PDE4D: variants seen among roughly 807,000 people sequenced by gnomAD.
PDE4D encodes 3',5'-cyclic-AMP phosphodiesterase 4D.
PDE4D carries 24 observed loss-of-function variants against 87.4 expected under a neutral mutation model. The observed-to-expected ratio is 0.27, with a 90% CI of 0.20 to 0.39. The LOEUF (loss-of-function observed/expected upper bound fraction) is 0.39, where lower values mean the gene tolerates loss of function less well. Ranked by LOEUF, PDE4D falls within the 10% of genes least tolerant of loss-of-function variation. The pLI, the probability that PDE4D is intolerant of heterozygous loss-of-function variation, is 1.00. For synonymous variants in PDE4D, 384 were observed against 383.2 expected, an observed-to-expected ratio of 1.00 and a Z score of -0.02; for missense variants, 714 against 1,041.0, an observed-to-expected ratio of 0.69 and a Z score of 4.32.
chr5:60,340,502 C>T (rs1251674562), intron 1 of PDE4D, among the ~76,000 whole-genome samples: 1 of 151,654 alleles, frequency 6.6e-6, no homozygotes, highest in Non-Finnish European at 1.5e-5. Flanking sequence ...AATCCTCCCA[C>T]ATCTCCAAGA....
At chr5:60,090,034 T>C (rs570540537) in intron 2 of PDE4D, among the ~76,000 whole-genome samples, 1 of 152,150 alleles carries the variant, frequency 6.6e-6, no homozygotes, top group East Asian at 1.9e-4. Flanking sequence ...TAAAGCCTCC[T>C]ATTAAAGGAA....
At chr5:59,690,540 C>T (rs1406788678) in intron 1 of PDE4D, among the ~76,000 whole-genome samples, 4 of 152,316 alleles carry the variant, frequency 2.6e-5, no homozygotes, top group Admixed American at 2.6e-4. Context: ...AACTGGATCT[C>T]TTCCGTACAC....
chr5:59,380,737 A>G lies in PDE4D; in HGVS notation c.456-164769T>C, dbSNP rs576595663. On this transcript the variant is annotated intron_variant, in intron 1 of 14. Coordinates refer to ENST00000340635, the MANE Select transcript of PDE4D (RefSeq NM_001104631.2). The stretch of plus-strand genomic sequence containing the variant: ...TGAACAACATTTCATTCTTAGACCA[A>G]GTGTTTATCTGTATCTGAAGGGGGC... 2.6e-5 allele frequency among the ~76,000 whole-genome samples: 4 copies of G among 152,224 alleles called. No individual in the cohort carries two copies. The South Asian group carries it at 8.3e-4, about 32-fold the overall frequency.
At chr5:59,194,832 T>A (rs984515098) in intron 2 of PDE4D, among the ~76,000 whole-genome samples, 1 of 152,178 alleles carries the variant, frequency 6.6e-6, no homozygotes, top group African/African-American at 2.4e-5. Flanking sequence ...AGAGGCAGGA[T>A]GTCAATTGAA....
intron 5 of PDE4D, among the ~76,000 whole-genome samples, chr5:59,043,308 A>G (rs1163153370): frequency 1.3e-5 from 2 of 152,176 alleles, no homozygotes; most frequent in Admixed American, 1.3e-4. Flanking sequence ...CAGATCATGA[A>G]GTCAAGAGAT....
chr5:59,270,468 T>C (rs922188883), intron 1 of PDE4D, among the ~76,000 whole-genome samples: 1 of 152,138 alleles, frequency 6.6e-6, no homozygotes, highest in Non-Finnish European at 1.5e-5. Context: ...AACTTGGTAA[T>C]AGAATTGGAA....
intron 1 of PDE4D, among the ~76,000 whole-genome samples, chr5:60,189,638 G>A (rs946288883): frequency 6.6e-6 from 1 of 152,172 alleles, no homozygotes; most frequent in Non-Finnish European, 1.5e-5. Flanking sequence ...TATTAGAGAA[G>A]CTACTGAACA....
intron 1 of PDE4D, among the ~76,000 whole-genome samples, chr5:59,497,480 ATT>A (rs1234034523): frequency 3.3e-5 from 5 of 152,054 alleles, no homozygotes; most frequent in Admixed American, 1.3e-4. Context: ...ACATAGCTAT[ATT>A]AAGAAAGAAC....
intron 1 of PDE4D, among the ~76,000 whole-genome samples, chr5:60,345,647 T>C (rs1224264685): frequency 1.3e-5 from 2 of 152,004 alleles, no homozygotes; most frequent in African/African-American, 4.8e-5. Flanking sequence ...TGTTAAATAG[T>C]TGCATAAAAC....
At chr5:59,183,000 A>G (rs984059021) in intron 4 of PDE4D, among the ~76,000 whole-genome samples, 2 of 152,286 alleles carry the variant, frequency 1.3e-5, no homozygotes, top group African/African-American at 4.8e-5. Flanking sequence ...CTTCCATAAA[A>G]TCCAAGGATG....
At position 59,286,398 on chromosome 5, in the gene PDE4D, A is replaced by G. The variant is rs899213609; in HGVS notation, c.456-70430T>C. Among the ~76,000 whole-genome samples the G allele has an allele frequency of 4.6e-5, 7 of 152,328 alleles. No individual in the cohort carries two copies. The East Asian group carries it at 1.4e-3, about 29-fold the overall frequency. On this transcript the variant is annotated intron_variant, in intron 1 of 14. Transcript: ENST00000340635. ...GTCTTACATTAGGACTTAAACTTAG[A>G]TTACCCAAATGAAGCATAACCTGGG...
chr5:59,620,577 A>T (rs115119576), intron 1 of PDE4D, among the ~76,000 whole-genome samples: 536 of 152,268 alleles, frequency 3.5e-3, no homozygotes, highest in African/African-American at 0.012. Flanking sequence ...ATCAGTGGAT[A>T]TAAGGAAGGG....
intron 5 of PDE4D, among the ~76,000 whole-genome samples, chr5:59,153,259 C>T (rs981137112): frequency 2.0e-5 from 3 of 151,872 alleles, no homozygotes; most frequent in African/African-American, 7.3e-5. Flanking sequence ...CCTTCATTGA[C>T]CACTATAAGG....
chr5:60,183,347 A>G (rs1469293497), intron 2 of PDE4D, among the ~76,000 whole-genome samples: 2 of 152,220 alleles, frequency 1.3e-5, no homozygotes, highest in East Asian at 1.9e-4. Flanking sequence ...CTTTGATTCA[A>G]CTTACGAATG....
intron 3 of PDE4D, among the ~76,000 whole-genome samples, chr5:59,908,103 T>C (rs1753030586): frequency 6.6e-6 from 1 of 152,166 alleles, no homozygotes; most frequent in African/African-American, 2.4e-5. Flanking sequence ...TTTCTTTGCC[T>C]ATTTTCTTCT....
chr5:59,080,269 GT>G (rs1766502423), intron 5 of PDE4D, among the ~76,000 whole-genome samples: 1 of 152,170 alleles, frequency 6.6e-6, no homozygotes, highest in African/African-American at 2.4e-5. Context: ...ACAAATAAGT[GT>G]GATGAACGTG....
At chr5:59,642,600 T>C (rs754064686) in intron 1 of PDE4D, among the ~76,000 whole-genome samples, 1 of 152,174 alleles carries the variant, frequency 6.6e-6, no homozygotes, top group South Asian at 2.1e-4. Flanking sequence ...GCCGCCACCA[T>C]GTAAGAAGTG....
chr5:59,516,301 C>G (rs1269167775), intron 1 of PDE4D, among the ~76,000 whole-genome samples: 3 of 152,156 alleles, frequency 2.0e-5, no homozygotes, highest in Admixed American at 6.5e-5. Flanking sequence ...GTCACTTTCT[C>G]TGGATTTTTT....
At chr5:59,035,758 C>T (rs762843549) in intron 6 of PDE4D, among the ~76,000 whole-genome samples, 9 of 152,202 alleles carry the variant, frequency 5.9e-5, no homozygotes, top group Non-Finnish European at 1.0e-4. Context: ...CCAGGTTTGC[C>T]TGCCTCCAAA....
Sources: allele counts gnomAD v4.1 joint callset (sites outside exome capture counted in the v4.1 genomes callset), GRCh38; gene constraint gnomAD v4.1.1; transcripts MANE v1.5; gene names NCBI Gene and HGNC (gene_info 2026-07-23, HGNC 2026-07-21).